GRIK1: variants seen among roughly 807,000 people sequenced by gnomAD.
The protein encoded by GRIK1 is glutamate ionotropic receptor kainate type subunit 1, also known as glutamate receptor ionotropic, kainate 1.
A neutral mutation model predicts 105.7 loss-of-function variants in GRIK1; 69 were observed. The observed-to-expected ratio is 0.65, with a 90% confidence interval of 0.54 to 0.80. The LOEUF (loss-of-function observed/expected upper bound fraction) is 0.80, where lower values mean the gene tolerates loss of function less well. Ranked by LOEUF, GRIK1 falls within the 30% of genes least tolerant of loss-of-function variation. GRIK1 has a pLI of 0.00. For synonymous variants in GRIK1, 438 were observed against 431.3 expected, an observed-to-expected ratio of 1.02 and a Z score of -0.19; for missense variants, 1,109 against 1,167.3, an observed-to-expected ratio of 0.95 and a Z score of 0.73.
intron 6 of GRIK1, among the ~76,000 whole-genome samples, chr21:29,647,226 T>C (rs189895889): frequency 6.6e-6 from 1 of 152,344 alleles, no homozygotes; most frequent in East Asian, 1.9e-4. Context: ...AGGTTTTGCA[T>C]ATGTGATCTA....
intron 1 of GRIK1, among the ~76,000 whole-genome samples, chr21:29,727,951 A>G (rs570066531): frequency 6.6e-6 from 1 of 152,230 alleles, no homozygotes; most frequent in South Asian, 2.1e-4. Flanking sequence ...GAGAAGAGGG[A>G]TGTCTCAACT....
intron 1 of GRIK1, among the ~76,000 whole-genome samples, chr21:29,905,850 A>C (rs999274993): frequency 6.6e-6 from 1 of 151,918 alleles, no homozygotes; most frequent in Admixed American, 6.5e-5. Flanking sequence ...CTGGACTTGA[A>C]CTTCTGACCT....
intron 1 of GRIK1, among the ~76,000 whole-genome samples, chr21:29,876,793 A>G (rs1365479593): frequency 6.6e-6 from 1 of 152,132 alleles, no homozygotes; most frequent in South Asian, 2.1e-4. Flanking sequence ...CACATACATA[A>G]ACTGAATAAC....
intron 1 of GRIK1, among the ~76,000 whole-genome samples, chr21:29,926,041 A>G (rs2071358894): frequency 2.0e-5 from 3 of 152,092 alleles, no homozygotes; most frequent in South Asian, 2.1e-4. Flanking sequence ...AGAGATGAAG[A>G]CATTCCTGCT....
intron 1 of GRIK1, among the ~76,000 whole-genome samples, chr21:29,813,655 C>T (rs1367271221): frequency 1.3e-5 from 2 of 152,062 alleles, no homozygotes; most frequent in African/African-American, 4.8e-5. Flanking sequence ...AAGAATGGGA[C>T]ATTCAATATA....
chr21:29,726,778 A>C (rs2064475297), intron 1 of GRIK1, among the ~76,000 whole-genome samples: 1 of 151,822 alleles, frequency 6.6e-6, no homozygotes, highest in African/African-American at 2.4e-5. Flanking sequence ...TTATTGGTAC[A>C]TGTAGACACA....
chr21:29,891,744 G>A (rs2146222746), intron 1 of GRIK1, among the ~76,000 whole-genome samples: 1 of 152,094 alleles, frequency 6.6e-6, no homozygotes, highest in South Asian at 2.1e-4. Context: ...CTTTTGAAAT[G>A]GAAAATATAA....
At position 29,752,995 on chromosome 21, in the gene GRIK1, T is replaced by C. The variant is rs558772655; in HGVS notation, c.119-58932A>G. Among the ~76,000 whole-genome samples, 386 of 152,312 alleles carry C rather than the reference T, an allele frequency of 2.5e-3. 2 individuals carry two copies. The highest frequency in any genetic ancestry group is 8.6e-3 in the African/African-American group (357 of 41,572). The stretch of plus-strand genomic sequence containing the variant: ...TATGACAGGCTGCTCTAGTTCCTAT[T>C]TGGAGAACCTGAAAAATAATATGCA... On this transcript the variant is annotated intron_variant, in intron 1 of 17. Coordinates refer to ENST00000327783, the MANE Select transcript of GRIK1 (RefSeq NM_001330994.2).
At chr21:29,594,530 C>G (rs2061376356) in intron 9 of GRIK1, among the ~76,000 whole-genome samples, 1 of 152,162 alleles carries the variant, frequency 6.6e-6, no homozygotes, top group African/African-American at 2.4e-5. Flanking sequence ...GGGAGGAGCA[C>G]TCAATATCTA....
intron 1 of GRIK1, among the ~76,000 whole-genome samples, chr21:29,911,515 G>C (rs2070815516): frequency 6.6e-6 from 1 of 151,970 alleles, no homozygotes. Flanking sequence ...CTATAAAGTT[G>C]ATATCGTTAT....
chr21:29,553,441 C>A (rs1206747105), intron 16 of GRIK1: 1 of 1,405,300 alleles, frequency 7.1e-7, no homozygotes, highest in Non-Finnish European at 9.2e-7. Context: ...GTTTTGCTAT[C>A]CTAAAGGAAT....
chr21:29,768,267 T>C (rs2065725319), intron 1 of GRIK1, among the ~76,000 whole-genome samples: 1 of 152,168 alleles, frequency 6.6e-6, no homozygotes, highest in Non-Finnish European at 1.5e-5. Context: ...GATGAGTCAG[T>C]TGTTTTCATC....
chr21:29,731,773 T>C (rs746649503), intron 1 of GRIK1, among the ~76,000 whole-genome samples: 2 of 152,186 alleles, frequency 1.3e-5, no homozygotes, highest in Non-Finnish European at 2.9e-5. Context: ...TTCAACATCA[T>C]CTCATACCAT....
chr21:29,719,320 C>A (rs1290054598), intron 1 of GRIK1, among the ~76,000 whole-genome samples: 5 of 151,442 alleles, frequency 3.3e-5, no homozygotes, highest in Non-Finnish European at 5.9e-5. Context: ...CAGCTATCAC[C>A]CACCCAAGAC....
chr21:29,752,682 T>TA (rs1411627383), intron 1 of GRIK1, among the ~76,000 whole-genome samples: 6 of 151,708 alleles, frequency 4.0e-5, no homozygotes, highest in Non-Finnish European at 7.4e-5. Context: ...ATTAAAAAAA[T>TA]AAAAAATTAG....
At chr21:29,889,979 T>C (rs1488157986) in intron 1 of GRIK1, among the ~76,000 whole-genome samples, 1 of 152,112 alleles carries the variant, frequency 6.6e-6, no homozygotes, top group Non-Finnish European at 1.5e-5. Context: ...GCAACCCTTA[T>C]CTGTGAAAAT....
At chr21:29,805,697 C>A (rs1417080376) in intron 1 of GRIK1, among the ~76,000 whole-genome samples, 1 of 152,040 alleles carries the variant, frequency 6.6e-6, no homozygotes, top group Non-Finnish European at 1.5e-5. Flanking sequence ...GCACAGGGTG[C>A]CAATTCTCCC....
At chr21:29,903,804 A>G (rs1017099022) in intron 1 of GRIK1, among the ~76,000 whole-genome samples, 3 of 152,228 alleles carry the variant, frequency 2.0e-5, no homozygotes, top group Non-Finnish European at 2.9e-5. Flanking sequence ...AAATTATTCT[A>G]TGATAAAGAC....
At chr21:29,874,828 G>A (rs952609004) in intron 1 of GRIK1, among the ~76,000 whole-genome samples, 1 of 152,146 alleles carries the variant, frequency 6.6e-6, no homozygotes, top group Non-Finnish European at 1.5e-5. Flanking sequence ...TTATCCGTGG[G>A]TCATCTGGGT....
Sources: gnomAD v4.1 joint callset for allele counts (sites outside exome capture counted in the v4.1 genomes callset) on GRCh38, gnomAD v4.1.1 for gene constraint, MANE v1.5 for transcripts, NCBI Gene and HGNC (gene_info 2026-07-23, HGNC 2026-07-21) for gene names.